The following ZNF580 variants were observed in gnomAD, a reference collection of about 807,000 sequenced individuals.
ZNF580 encodes zinc finger protein 580, also known as LDL-induced EC protein.
In ZNF580, 1 loss-of-function variant was observed where a neutral mutation model predicts 1.3. The observed-to-expected ratio is 0.77, with a 90% CI of 0.27 to 3.65. ZNF580 has a LOEUF of 3.65. ZNF580 is among the 30% of genes most tolerant of loss of function. ZNF580 has a pLI of 0.19. For synonymous variants in ZNF580, 135 were observed against 128.8 expected (o/e 1.05, Z -0.32); for missense variants, 268 against 272.3 (o/e 0.98, Z 0.11).
intron 1 of ZNF580, chr19:55,642,057 C>T: frequency 1.0e-6 from 1 of 986,492 alleles, no homozygotes. Context: ...GGGAAGTAAA[C>T]TGAACTGGGG....
In ZNF580 at chr19:55,642,879, C is replaced by A; in HGVS notation, c.371C>A (p.Ala124Asp). Residue 124 changes from alanine to aspartate, a missense_variant, in exon 2 of 2, where the codon GCC becomes GAC. Ala to Asp is a moderately radical substitution (Grantham distance 126). This residue lies in a region of ZNF580 where 225 missense variants were observed against 201.7 expected (regional missense o/e 1.12). Transcript: ENST00000325333. The stretch of plus-strand genomic sequence containing the variant: ...GACCTCAAGCCCTTCACGTGCGGCG[C>A]CTGCGGCAAGGCCTTCAAGCGCTCC... ...HSDLKPFTCG[A>D]CGKAFKRSSH... is the part of the protein sequence containing the mutation. The A allele has an allele frequency of 1.9e-6, 3 of 1,565,322 alleles. No individual in the cohort carries two copies. Among genetic ancestry groups the A allele is most frequent in the Non-Finnish European group, 2.6e-6 (3 of 1,164,230 alleles).
At chr19:55,641,211 C>T in intron 1 of ZNF580, 28 bp downstream of exon 1, 8 of 983,390 alleles carry the variant, frequency 8.1e-6, no homozygotes, top group Non-Finnish European at 9.7e-6. Flanking sequence ...GAGGGAGGAG[C>T]CTGGCCCTGG....
Position 55,642,865 on chromosome 19 carries a change from C to T in ZNF580, c.357C>T (p.Pro119=), listed in dbSNP as rs1036019267. ...GCGTGTCGCACTCGGACCTCAAGCC[C>T]TTCACGTGCGGCGCCTGCGGCAAGG... ...SHRVSHSDLK[P]FTCGACGKAF... is the part of the protein sequence containing the mutation. Residue 119 remains proline (P), a synonymous_variant, in exon 2 of 2, where the codon CCC becomes CCT. Transcript: ENST00000325333. 2.5e-6 allele frequency: 4 copies of T among 1,569,170 alleles called. No individual in the cohort carries two copies. Among genetic ancestry groups the T allele is most frequent in the East Asian group, 2.4e-5 (1 of 41,940 alleles).
rs1048924412 is a variant in ZNF580, at chr19:55,641,134, C to T, written c.-62C>T. ...GCGCTCGCCAGGGGAAGCCCGGGGCCGCCCGGGACCTCGGCCCGTTCCTCC... is the reference window on the plus strand; with the variant it reads ...GCGCTCGCCAGGGGAAGCCCGGGGCTGCCCGGGACCTCGGCCCGTTCCTCC... On this transcript the variant is annotated 5_prime_UTR_variant, in exon 1 of 2. Coordinates refer to ENST00000325333, the MANE Select transcript of ZNF580 (RefSeq NM_207115.2). The T allele has an allele frequency of 1.2e-5, 12 of 985,022 alleles. No individual in the cohort carries two copies. Among genetic ancestry groups the T allele is most frequent in the Non-Finnish European group, 1.3e-5 (11 of 829,718 alleles). The allele number at this position is 985,022 out of a possible 1,614,324, so 61.0% of individuals were successfully genotyped here. A position where few individuals can be genotyped will look rare whatever the true frequency, so the allele number is the denominator to read the frequency against.
chr19:55,642,599 A>G lies in ZNF580; in HGVS notation c.91A>G (p.Lys31Glu). ...PPPPKAPPFPKAEGPSSTPSS... is the reference protein window; with the variant it reads ...PPPPKAPPFPEAEGPSSTPSS... ...GCCCCCCAAGGCTCCCCCTTTCCCC[A>G]AGGCGGAAGGCCCCTCCTCCACTCC... The change falls in exon 2 of 2, where the codon AAG (lysine) becomes GAG (glutamate). Residue 31 changes from lysine (K) to glutamate (E), a missense_variant. Physicochemically the swap from Lys to Glu is moderately conservative, Grantham distance 56 (BLOSUM62 1). Around this residue, in one of 2 missense-constraint regions of ZNF580, gnomAD observed 225 missense variants for 201.7 expected, o/e 1.12. Coordinates refer to ENST00000325333, the MANE Select transcript of ZNF580 (RefSeq NM_207115.2). The G allele has an allele frequency of 7.2e-7, 1 of 1,396,150 alleles. No homozygotes were observed. Among genetic ancestry groups the G allele is most frequent in the Non-Finnish European group, 9.3e-7 (1 of 1,073,024 alleles). 86.5% of individuals were successfully genotyped at this position (1,396,150 alleles called of 1,614,324 possible).
chr19:55,642,925 C>T lies in ZNF580; in HGVS notation c.417C>T (p.Arg139=). ...GCTCCAGCCACCTGTCGCGGCATCG[C>T]GCCACGCACCGCGCCCGCGCCGGGC... ...FKRSSHLSRH[R]ATHRARAGPP... The change falls in exon 2 of 2, where the codon CGC becomes CGT. Residue 139 remains arginine, a synonymous_variant. Transcript: ENST00000325333. The T allele has an allele frequency of 6.7e-7, 1 of 1,484,014 alleles. No individual in the cohort carries two copies. Among genetic ancestry groups the T allele is most frequent in the African/African-American group, 1.5e-5 (1 of 68,590 alleles). The allele number at this position is 1,484,014 out of a possible 1,614,324, so 91.9% of individuals were successfully genotyped here. A position where few individuals can be genotyped will look rare whatever the true frequency, so the allele number is the denominator to read the frequency against.
At chr19:55,641,784 G>A (rs1982505477) in intron 1 of ZNF580, 1 of 152,778 alleles carries the variant, frequency 6.5e-6, no homozygotes, top group African/African-American at 2.4e-5. Flanking sequence ...GAGCCATTTT[G>A]GGGTGTATAG....
chr19:55,642,568 C>A lies in ZNF580; in HGVS notation c.60C>A (p.Asp20Glu). ...HPRSSSPEAM[D>E]PPPPKAPPFP... ...GGTCCTCCTCTCCGGAGGCCATGGA[C>A]CCACCGCCCCCCAAGGCTCCCCCTT... The change falls in exon 2 of 2, where the codon GAC becomes GAA. Residue 20 changes from aspartate (D) to glutamate (E), a missense_variant. By Grantham distance (45) the Asp-to-Glu change is conservative. Transcript: ENST00000325333. 2 of 1,454,306 alleles carry A rather than the reference C, an allele frequency of 1.4e-6. No individual in the cohort carries two copies. Among genetic ancestry groups the A allele is most frequent in the South Asian group, 3.0e-5 (2 of 66,092 alleles). 90.1% of individuals were successfully genotyped at this position (1,454,306 alleles called of 1,614,324 possible).
At position 55,641,010 on chromosome 19, in the gene ZNF580, C is replaced by T; in HGVS notation, c.-186C>T. ...GCGCGCTTCCGGCCGGCGCCTTTTCCCAGGGACTCCGCCAACCCCTCGCAC... is the reference window on the plus strand; with the variant it reads ...GCGCGCTTCCGGCCGGCGCCTTTTCTCAGGGACTCCGCCAACCCCTCGCAC... On this transcript the variant is annotated 5_prime_UTR_variant, in exon 1 of 2. Transcript: ENST00000325333. 1 of 985,374 alleles carries T rather than the reference C, an allele frequency of 1.0e-6. No homozygotes were observed. The highest frequency in any genetic ancestry group is 4.7e-5 in the South Asian group (1 of 21,302). The allele number at this position is 985,374 out of a possible 1,614,324, so 61.0% of individuals were successfully genotyped here.
Position 55,642,549 on chromosome 19 carries a change from C to T in ZNF580, c.41C>T (p.Ser14Phe). Residue 14 changes from serine to phenylalanine, a missense_variant, in exon 2 of 2, where the codon TCC becomes TTC. Physicochemically the swap from Ser to Phe is radical, Grantham distance 155. This residue lies in a region of ZNF580 where 225 missense variants were observed against 201.7 expected (regional missense o/e 1.12). Coordinates refer to ENST00000325333, the MANE Select transcript of ZNF580 (RefSeq NM_207115.2). ...LPPRPPHPRS[S>F]SPEAMDPPPP... ...CCGCGGCCACCCCACCCTCGGTCCT[C>T]CTCTCCGGAGGCCATGGACCCACCG... The T allele has an allele frequency of 2.1e-6, 3 of 1,454,818 alleles. No homozygotes were observed. Among genetic ancestry groups the T allele is most frequent in the Non-Finnish European group, 2.7e-6 (3 of 1,107,132 alleles). The allele number at this position is 1,454,818 out of a possible 1,614,324, so 90.1% of individuals were successfully genotyped here. A position where few individuals can be genotyped will look rare whatever the true frequency, so the allele number is the denominator to read the frequency against.
Position 55,643,101 on chromosome 19 carries a change from C to CCA in ZNF580, c.*82_*83dup, listed in dbSNP as rs1237654600. The CCA allele has an allele frequency of 1.9e-5, 25 of 1,320,122 alleles. No homozygotes were observed. Among genetic ancestry groups the CCA allele is most frequent in the Non-Finnish European group, 2.1e-5 (22 of 1,031,218 alleles). The allele number at this position is 1,320,122 out of a possible 1,614,324, so 81.8% of individuals were successfully genotyped here. A position where few individuals can be genotyped will look rare whatever the true frequency, so the allele number is the denominator to read the frequency against. On this transcript the variant is annotated 3_prime_UTR_variant, in exon 2 of 2. Transcript: ENST00000325333. Reference sequence around the variant, plus strand: ...CTGACCCACACAGCGTCACTCACTCCCACACACACCCCCTGGCTCTGCTGA... The same window carrying CCA: ...CTGACCCACACAGCGTCACTCACTCCCACACACACACCCCCTGGCTCTGCTGA...
In ZNF580 at chr19:55,642,928, C is replaced by T. The variant is rs2123631719; in HGVS notation, c.420C>T (p.Ala140=). 1 of 1,484,656 alleles carries T rather than the reference C, an allele frequency of 6.7e-7. No individual in the cohort carries two copies. The highest frequency in any genetic ancestry group is 8.9e-7 in the Non-Finnish European group (1 of 1,121,510). The allele number at this position is 1,484,656 out of a possible 1,614,324, so 92.0% of individuals were successfully genotyped here. Residue 140 remains alanine, a synonymous_variant, in exon 2 of 2, where the codon GCC becomes GCT. Coordinates refer to ENST00000325333, the MANE Select transcript of ZNF580 (RefSeq NM_207115.2). The stretch of plus-strand genomic sequence containing the variant: ...CCAGCCACCTGTCGCGGCATCGCGC[C>T]ACGCACCGCGCCCGCGCCGGGCCGC... ...KRSSHLSRHR[A]THRARAGPPH...
Position 55,642,680 on chromosome 19 carries a change from G to T in ZNF580, c.172G>T (p.Ala58Ser), listed in dbSNP as rs2123630726. ...PRLGRHLLID[A>S]NGVPYTYTVQ... Reference sequence around the variant, plus strand: ...GCTGGGCCGCCACCTCCTCATCGACGCCAATGGGGTCCCCTACACATACAC... The same window carrying T: ...GCTGGGCCGCCACCTCCTCATCGACTCCAATGGGGTCCCCTACACATACAC... The change falls in exon 2 of 2, where the codon GCC (alanine) becomes TCC (serine). Residue 58 changes from alanine (A) to serine (S), a missense_variant. This residue lies in a region of ZNF580 where 225 missense variants were observed against 201.7 expected (regional missense o/e 1.12). Transcript: ENST00000325333. 7.0e-7 allele frequency: 1 copy of T among 1,433,700 alleles called. No individual in the cohort carries two copies. The highest frequency in any genetic ancestry group is 9.2e-7 in the Non-Finnish European group (1 of 1,090,758). 88.8% of individuals were successfully genotyped at this position (1,433,700 alleles called of 1,614,324 possible). A position where few individuals can be genotyped will look rare whatever the true frequency, so the allele number is the denominator to read the frequency against.
Position 55,642,945 on chromosome 19 carries a change from C to T in ZNF580, c.437C>T (p.Ala146Val), listed in dbSNP as rs1256795312. Residue 146 changes from alanine (A) to valine (V), a missense_variant, in exon 2 of 2, where the codon GCC becomes GTC. By Grantham distance (64) the Ala-to-Val change is moderately conservative. Coordinates refer to ENST00000325333, the MANE Select transcript of ZNF580 (RefSeq NM_207115.2). ...SRHRATHRAR[A>V]GPPHTCPLCP... is the part of the protein sequence containing the mutation. The stretch of plus-strand genomic sequence containing the variant: ...CATCGCGCCACGCACCGCGCCCGCG[C>T]CGGGCCGCCGCACACCTGCCCGCTC... The T allele has an allele frequency of 3.5e-6, 5 of 1,438,426 alleles. No homozygotes were observed. The highest frequency in any genetic ancestry group is 1.5e-5 in the African/African-American group (1 of 67,206). 89.1% of individuals were successfully genotyped at this position (1,438,426 alleles called of 1,614,324 possible).
chr19:55,642,625 T>C lies in ZNF580; in HGVS notation c.117T>C (p.Pro39=). 4 of 1,444,212 alleles carry C rather than the reference T, an allele frequency of 2.8e-6. No individual in the cohort carries two copies. The highest frequency in any genetic ancestry group is 2.7e-6 in the Non-Finnish European group (3 of 1,098,718). The allele number at this position is 1,444,212 out of a possible 1,614,324, so 89.5% of individuals were successfully genotyped here. ...AGGCGGAAGGCCCCTCCTCCACTCC[T>C]TCCTCGGCGGCGGGGCCCCGACCCC... The part of the protein sequence containing the change: ...FPKAEGPSST[P]SSAAGPRPPR... The change falls in exon 2 of 2, where the codon CCT becomes CCC. Residue 39 remains proline, a synonymous_variant. Transcript: ENST00000325333.
rs199790480 is a variant in ZNF580 at position 55,642,653 on chromosome 19, C to T, written c.145C>T (p.Arg49Trp). Residue 49 changes from arginine to tryptophan, a missense_variant, in exon 2 of 2, where the codon CGG (arginine) becomes TGG (tryptophan). Coordinates refer to ENST00000325333, the MANE Select transcript of ZNF580 (RefSeq NM_207115.2). ...CTCGGCGGCGGGGCCCCGACCCCCG[C>T]GGCTGGGCCGCCACCTCCTCATCGA... ...PSSAAGPRPP[R>W]LGRHLLIDAN... is the part of the protein sequence containing the mutation. 4.2e-6 allele frequency: 6 copies of T among 1,425,614 alleles called. No homozygotes were observed. In the African/African-American group the frequency reaches 7.5e-5, roughly 18 times the overall value. The allele number at this position is 1,425,614 out of a possible 1,614,324, so 88.3% of individuals were successfully genotyped here.
chr19:55,641,073 G>C lies in ZNF580; in HGVS notation c.-123G>C. On this transcript the variant is annotated 5_prime_UTR_variant, in exon 1 of 2. Transcript: ENST00000325333. ...AGTCCCCGCGTCCCCGGCGCCGCCGGCCCGGAGCTGCCCGGAAGTCTCGGT... is the reference window on the plus strand; with the variant it reads ...AGTCCCCGCGTCCCCGGCGCCGCCGCCCCGGAGCTGCCCGGAAGTCTCGGT... The C allele has an allele frequency of 1.0e-6, 1 of 985,260 alleles. No individual in the cohort carries two copies. Among genetic ancestry groups the C allele is most frequent in the Non-Finnish European group, 1.2e-6 (1 of 829,836 alleles). The allele number at this position is 985,260 out of a possible 1,614,324, so 61.0% of individuals were successfully genotyped here.
chr19:55,643,365 G>C lies in ZNF580; in HGVS notation c.*338G>C. On this transcript the variant is annotated 3_prime_UTR_variant, in exon 2 of 2. Coordinates refer to ENST00000325333, the MANE Select transcript of ZNF580 (RefSeq NM_207115.2). ...GAGCGGTGAACCGGTGGTTGTCTGC[G>C]GGGAAGAGATGATAAAGAGCACGGG... is the stretch of plus-strand genomic sequence containing the variant. 1 of 304,260 alleles carries C rather than the reference G, an allele frequency of 3.3e-6. No homozygotes were observed. The allele number at this position is 304,260 out of a possible 1,614,324, so 18.8% of individuals were successfully genotyped here. A position where few individuals can be genotyped will look rare whatever the true frequency, so the allele number is the denominator to read the frequency against.
At position 55,643,090 on chromosome 19, in the gene ZNF580, G is replaced by T; in HGVS notation, c.*63G>T. ...GGCCACCAAGTCTGACCCACACAGC[G>T]TCACTCACTCCCACACACACCCCCT... On this transcript the variant is annotated 3_prime_UTR_variant, in exon 2 of 2. Coordinates refer to ENST00000325333, the MANE Select transcript of ZNF580 (RefSeq NM_207115.2). The T allele has an allele frequency of 1.5e-6, 2 of 1,332,376 alleles. No individual in the cohort carries two copies. Among genetic ancestry groups the T allele is most frequent in the South Asian group, 4.3e-5 (2 of 46,090 alleles). 82.5% of individuals were successfully genotyped at this position (1,332,376 alleles called of 1,614,324 possible). A position where few individuals can be genotyped will look rare whatever the true frequency, so the allele number is the denominator to read the frequency against.
Sources: allele counts gnomAD v4.1 joint callset, GRCh38; gene constraint gnomAD v4.1.1; regional missense constraint gnomAD v4.1.1; transcripts MANE v1.5; gene names NCBI Gene and HGNC (gene_info 2026-07-23, HGNC 2026-07-21).